CARD8: variants seen among roughly 807,000 people sequenced by gnomAD.
CARD8 encodes the protein caspase recruitment domain-containing protein 8.
A neutral mutation model predicts 53.2 loss-of-function variants in CARD8; 38 were observed. That is an observed-to-expected ratio of 0.71 (90% confidence interval 0.55 to 0.94). CARD8 has a LOEUF of 0.94. Ranked by LOEUF, CARD8 falls within the 40% of genes least tolerant of loss-of-function variation. The probability of loss-of-function intolerance (pLI) is 0.00; values close to 1 mark genes in which losing one functional copy is unlikely to be tolerated. For missense variants in CARD8, 561 were observed against 655.5 expected (o/e 0.86, Z 1.57); for synonymous variants, 245 against 244.9 (o/e 1.00, Z 0.00).
chr19:48,232,884 G>A (rs2043171756), intron 6 of CARD8: 1 of 428,372 alleles, frequency 2.3e-6, no homozygotes, highest in African/African-American at 2.0e-5. Flanking sequence ...AATGTGTCTT[G>A]ACATCTCTCC....
chr19:48,218,212 T>A (rs1064791), intron 12 of CARD8, among the ~76,000 whole-genome samples: 68,132 of 151,448 alleles, frequency 0.45, 16,581 homozygotes, highest in Non-Finnish European at 0.56. Flanking sequence ...CTATTTTTTT[T>A]AATTTAATTT....
chr19:48,254,224 A>G (rs918121758), intron 1 of CARD8, among the ~76,000 whole-genome samples: 12 of 152,256 alleles, frequency 7.9e-5, no homozygotes, highest in Admixed American at 3.3e-4. Context: ...GCATTGCAAG[A>G]TCCCATCCCC....
chr19:48,247,657 C>A (rs973932536), intron 3 of CARD8, among the ~76,000 whole-genome samples: 4 of 151,026 alleles, frequency 2.6e-5, no homozygotes, highest in Non-Finnish European at 4.4e-5. Context: ...AATTTATTAC[C>A]CTTTATAAAG....
At chr19:48,231,836 A>G in intron 7 of CARD8, 26 bp from the exon 8 acceptor site, 1 of 1,611,868 alleles carries the variant, frequency 6.2e-7, no homozygotes. Context: ...TAGACATGTA[A>G]GAGGTAAAGG....
Position 48,230,876 on chromosome 19 carries a change from G to T in CARD8, c.673C>A (p.His225Asn). The T allele has an allele frequency of 6.2e-7, 1 of 1,614,210 alleles. No individual in the cohort carries two copies. Among genetic ancestry groups the T allele is most frequent in the Non-Finnish European group, 8.5e-7 (1 of 1,180,044 alleles). The stretch of plus-strand genomic sequence containing the variant: ...GGGCCGCCCACCAGCCACTGTTCAT[G>T]GTGCTGCAGGTCCAGGGCCAGGTGC... The part of the protein sequence containing the change: ...SQHLALDLQH[H>N]EQWLVGGPLF... The change falls in exon 9 of 14, where the codon CAT becomes AAT. Residue 225 changes from histidine to asparagine, a missense_variant. Coordinates refer to ENST00000651546, the MANE Select transcript of CARD8 (RefSeq NM_001184900.3).
At chr19:48,216,671 G>A (rs1243314361) in intron 12 of CARD8, among the ~76,000 whole-genome samples, 1 of 147,636 alleles carries the variant, frequency 6.8e-6, no homozygotes, top group African/African-American at 2.5e-5. Context: ...AAAGGAAGGT[G>A]ATGGGATTGT....
chr19:48,250,408 G>A (rs2046797781), intron 1 of CARD8, among the ~76,000 whole-genome samples: 1 of 152,146 alleles, frequency 6.6e-6, no homozygotes, highest in African/African-American at 2.4e-5. Context: ...GCAAGGTTGT[G>A]GGTTTTGTAG....
intron 5 of CARD8, among the ~76,000 whole-genome samples, chr19:48,235,491 C>T (rs1467317867): frequency 2.6e-5 from 4 of 152,038 alleles, no homozygotes; most frequent in African/African-American, 7.3e-5. Flanking sequence ...TCCCCAGCCA[C>T]GTGAAACTAA....
intron 6 of CARD8, chr19:48,234,167 C>T (rs981580160): frequency 5.5e-5 from 25 of 454,558 alleles, no homozygotes; most frequent in African/African-American, 1.4e-4. Context: ...CACTGGTCTT[C>T]GATTGCATTG....
intron 3 of CARD8, among the ~76,000 whole-genome samples, chr19:48,248,753 A>G (rs2046518543): frequency 6.6e-6 from 1 of 152,240 alleles, no homozygotes; most frequent in Admixed American, 6.5e-5. Flanking sequence ...AGTCCATTGT[A>G]TTATGGTTTG....
At chr19:48,231,936 C>T (rs963361940) in intron 7 of CARD8, 126 bp from the exon 8 acceptor site, 1 of 814,490 alleles carries the variant, frequency 1.2e-6, no homozygotes, top group African/African-American at 1.7e-5. Flanking sequence ...CTGAGAGTGA[C>T]CAGAATATGC....
rs769398386 is a variant in CARD8 at position 48,221,863 on chromosome 19, A to G, written c.1036-8T>C. On this transcript the variant is annotated splice_polypyrimidine_tract_variant and splice_region_variant and intron_variant, in intron 10 of 13. Coordinates refer to ENST00000651546, the MANE Select transcript of CARD8 (RefSeq NM_001184900.3). Reference sequence around the variant, plus strand: ...TTCCTCATCATCTATCGCCTAAGGAAGAAGGGGCAGAAACATTAGAGAGCA... The same window carrying G: ...TTCCTCATCATCTATCGCCTAAGGAGGAAGGGGCAGAAACATTAGAGAGCA... 3.2e-6 allele frequency: 5 copies of G among 1,581,774 alleles called. No individual in the cohort carries two copies. The Admixed American group carries it at 8.9e-5, about 28-fold the overall frequency.
intron 13 of CARD8, among the ~76,000 whole-genome samples, chr19:48,213,891 T>G (rs1476635108): frequency 6.6e-6 from 1 of 152,190 alleles, no homozygotes; most frequent in Non-Finnish European, 1.5e-5. Context: ...TGCCTTTCCG[T>G]CTAAAGTCCA....
rs12984288 is a variant in CARD8, at chr19:48,255,702, T to C, written c.-252+90A>G. 0.23 allele frequency: 35,143 copies of C among 151,946 alleles called. 4,172 individuals are homozygous for C. The highest frequency in any genetic ancestry group is 0.33 in the Middle Eastern group (97 of 294). 9.4% of individuals were successfully genotyped at this position (151,946 alleles called of 1,614,324 possible). A position where few individuals can be genotyped will look rare whatever the true frequency, so the allele number is the denominator to read the frequency against. On this transcript the variant is annotated intron_variant, in intron 1 of 13. Transcript: ENST00000651546. The stretch of plus-strand genomic sequence containing the variant: ...TTTGTCGTACTCCTTCCTTGCTGAC[T>C]AAGAGGAACAGAACACAGAGCAGCC...
chr19:48,239,651 T>C (rs1036228586), intron 4 of CARD8, among the ~76,000 whole-genome samples: 1 of 151,926 alleles, frequency 6.6e-6, no homozygotes, highest in Non-Finnish European at 1.5e-5. Context: ...AATTTTTATA[T>C]TTGTAGTAGA....
At chr19:48,222,481 G>T (rs2040848050) in intron 10 of CARD8, among the ~76,000 whole-genome samples, 1 of 152,164 alleles carries the variant, frequency 6.6e-6, no homozygotes, top group Non-Finnish European at 1.5e-5. Context: ...ACAAGGTCAG[G>T]AGTTTGAGAC....
intron 13 of CARD8, 177 bp downstream of exon 13, chr19:48,215,163 G>T: frequency 1.9e-6 from 1 of 533,008 alleles, no homozygotes; most frequent in Non-Finnish European, 3.4e-6. Context: ...TCTGCCTTAT[G>T]CCCCTCAGTC....
At chr19:48,241,165 C>A in intron 3 of CARD8, 102 bp from the exon 4 acceptor site, 1 of 662,966 alleles carries the variant, frequency 1.5e-6, no homozygotes, top group Non-Finnish European at 2.6e-6. Context: ...GCTTATTGCT[C>A]ATTCACAAGA....
intron 4 of CARD8, among the ~76,000 whole-genome samples, chr19:48,239,082 T>A (rs529060993): frequency 6.6e-6 from 1 of 152,206 alleles, no homozygotes; most frequent in Non-Finnish European, 1.5e-5. Flanking sequence ...CTATCCTTCG[T>A]TGGTCCTAAA....
Sources: allele counts gnomAD v4.1 joint callset (sites outside exome capture counted in the v4.1 genomes callset), GRCh38; gene constraint gnomAD v4.1.1; transcripts MANE v1.5; gene names NCBI Gene and HGNC (gene_info 2026-07-23, HGNC 2026-07-21).